ITPR2: variants seen among roughly 807,000 people sequenced by gnomAD.
ITPR2 encodes inositol 1,4,5-trisphosphate receptor type 2, also known as inositol 1,4,5-trisphosphate-gated calcium channel ITPR2.
ITPR2 carries 207 observed loss-of-function variants against 317.1 expected under a neutral mutation model. The observed-to-expected ratio is 0.65, with a 90% CI of 0.58 to 0.73. The LOEUF (loss-of-function observed/expected upper bound fraction) is 0.73, where lower values mean the gene tolerates loss of function less well. Among genes scored for constraint, ITPR2 ranks in the 30% least tolerant of loss-of-function variants. The pLI is 0.00. For missense variants in ITPR2, 2,613 were observed against 3,284.0 expected, an observed-to-expected ratio of 0.80 and a Z score of 4.99; for synonymous variants, 1,156 against 1,149.1, an observed-to-expected ratio of 1.01 and a Z score of -0.12.
chr12:26,385,319 T>C (rs1030183217), intron 55 of ITPR2, among the ~76,000 whole-genome samples: 4 of 152,064 alleles, frequency 2.6e-5, no homozygotes, highest in Non-Finnish European at 4.4e-5. Context: ...CTAACAAAGA[T>C]ACCTTCTGAA....
intron 2 of ITPR2, among the ~76,000 whole-genome samples, chr12:26,787,793 G>C (rs1258828361): frequency 6.6e-6 from 1 of 152,152 alleles, no homozygotes; most frequent in Non-Finnish European, 1.5e-5. Flanking sequence ...ACTATGGGCA[G>C]AGCACTATGC....
intron 21 of ITPR2, among the ~76,000 whole-genome samples, chr12:26,632,898 A>G (rs1946785761): frequency 1.3e-5 from 2 of 152,188 alleles, no homozygotes; most frequent in South Asian, 4.1e-4. Context: ...ACACTATGAC[A>G]ATTTATGTTC....
At chr12:26,585,663 C>G (rs1413392116) in intron 32 of ITPR2, among the ~76,000 whole-genome samples, 1 of 152,166 alleles carries the variant, frequency 6.6e-6, no homozygotes, top group African/African-American at 2.4e-5. Context: ...CCTCAGCCTC[C>G]CAAAGTACTG....
At chr12:26,372,706 C>A (rs560421990) in intron 55 of ITPR2, among the ~76,000 whole-genome samples, 1 of 152,210 alleles carries the variant, frequency 6.6e-6, no homozygotes, top group South Asian at 2.1e-4. Context: ...ACTTTTATCA[C>A]CCCAATAAAA....
At position 26,597,040 on chromosome 12, in the gene ITPR2, C is replaced by G. The variant is rs752178182; in HGVS notation, c.4097G>C (p.Gly1366Ala). 6.2e-7 allele frequency: 1 copy of G among 1,614,050 alleles called. No individual in the cohort carries two copies. Among genetic ancestry groups the G allele is most frequent in the Non-Finnish European group, 8.5e-7 (1 of 1,179,992 alleles). ...LHMMCSERDR[G>A]DESGPLAYHI... ...GTAGGCTAAGGGGCCACTCTCATCC[C>G]CTCGGTCTCTCTCTGAACACATCAT... The change falls in exon 31 of 57, where the codon GGG becomes GCG. Residue 1366 changes from glycine (G) to alanine (A), a missense_variant. Coordinates refer to ENST00000381340, the MANE Select transcript of ITPR2 (RefSeq NM_002223.4).
At chr12:26,521,934 A>G (rs11614778) in intron 37 of ITPR2, among the ~76,000 whole-genome samples, 22,183 of 152,226 alleles carry the variant, frequency 0.15, 2,293 homozygotes, top group Non-Finnish European at 0.23. Context: ...GCTAGCATCA[A>G]TTTAAGACCT....
intron 26 of ITPR2, among the ~76,000 whole-genome samples, chr12:26,608,322 A>G (rs1946185338): frequency 6.6e-6 from 1 of 152,216 alleles, no homozygotes; most frequent in African/African-American, 2.4e-5. Context: ...AGGTATTAGG[A>G]AAAACTGGAA....
intron 2 of ITPR2, among the ~76,000 whole-genome samples, chr12:26,762,259 A>G (rs886781591): frequency 6.6e-6 from 1 of 152,238 alleles, no homozygotes; most frequent in Non-Finnish European, 1.5e-5. Flanking sequence ...AACACTAAAT[A>G]GATTAACTAT....
intron 55 of ITPR2, among the ~76,000 whole-genome samples, chr12:26,381,708 G>T (rs1939515141): frequency 6.6e-6 from 1 of 152,174 alleles, no homozygotes; most frequent in Admixed American, 6.5e-5. Flanking sequence ...AGACGAGTTT[G>T]CAACTGTGAT....
chr12:26,781,681 T>G (rs1950079651), intron 2 of ITPR2, among the ~76,000 whole-genome samples: 1 of 152,070 alleles, frequency 6.6e-6, no homozygotes, highest in Non-Finnish European at 1.5e-5. Flanking sequence ...GTGATCAACT[T>G]GATTGCAAAG....
intron 21 of ITPR2, among the ~76,000 whole-genome samples, chr12:26,639,327 C>G (rs1946930547): frequency 6.6e-6 from 1 of 152,048 alleles, no homozygotes; most frequent in Admixed American, 6.6e-5. Flanking sequence ...ATAAGAAAGG[C>G]CTACCCTTTG....
intron 5 of ITPR2, among the ~76,000 whole-genome samples, chr12:26,717,674 G>C (rs1268192523): frequency 2.6e-5 from 4 of 152,178 alleles, no homozygotes; most frequent in Non-Finnish European, 5.9e-5. Flanking sequence ...ATGTGAGGGA[G>C]GGAATAGGAG....
intron 55 of ITPR2, among the ~76,000 whole-genome samples, chr12:26,361,550 A>C (rs1938832383): frequency 6.6e-6 from 1 of 152,226 alleles, no homozygotes; most frequent in Non-Finnish European, 1.5e-5. Context: ...AACCACTTCA[A>C]GAATAAAGGT....
chr12:26,694,038 C>T (rs10506009), intron 10 of ITPR2, among the ~76,000 whole-genome samples: 26,296 of 152,154 alleles, frequency 0.17, 2,999 homozygotes, highest in Non-Finnish European at 0.25. Flanking sequence ...TGGCCCTACA[C>T]GATGCTGAAG....
At chr12:26,667,036 A>G (rs1947645654) in intron 13 of ITPR2, among the ~76,000 whole-genome samples, 2 of 152,222 alleles carry the variant, frequency 1.3e-5, no homozygotes, top group African/African-American at 4.8e-5. Flanking sequence ...TTTGGTATAG[A>G]CAAAAGCTGA....
chr12:26,483,667 T>C (rs1942593770), intron 42 of ITPR2, 31 bp downstream of exon 42: 1 of 1,516,434 alleles, frequency 6.6e-7, no homozygotes, highest in Non-Finnish European at 9.2e-7. Flanking sequence ...ATTAATCCCT[T>C]TACTAATTAG....
intron 52 of ITPR2, among the ~76,000 whole-genome samples, chr12:26,403,647 G>A (rs1006839334): frequency 6.6e-6 from 1 of 152,164 alleles, no homozygotes; most frequent in Non-Finnish European, 1.5e-5. Context: ...CAACAATGCA[G>A]AAGTAGCAGT....
intron 16 of ITPR2, 136 bp downstream of exon 16, chr12:26,658,976 AT>A: frequency 1.6e-6 from 1 of 618,422 alleles, no homozygotes; most frequent in South Asian, 2.2e-5. Flanking sequence ...ATATACAATT[AT>A]TATAGCAATA....
intron 45 of ITPR2, among the ~76,000 whole-genome samples, chr12:26,473,015 C>T (rs1304377608): frequency 3.3e-5 from 5 of 151,850 alleles, no homozygotes; most frequent in African/African-American, 1.2e-4. Flanking sequence ...GCCTCCTAAG[C>T]AGCTTGGATT....
Sources: allele counts gnomAD v4.1 joint callset (sites outside exome capture counted in the v4.1 genomes callset), GRCh38; gene constraint gnomAD v4.1.1; transcripts MANE v1.5; gene names NCBI Gene and HGNC (gene_info 2026-07-23, HGNC 2026-07-21).